Variants in CC2D2A observed in about 807,000 individuals in gnomAD.
The protein encoded by CC2D2A is coiled-coil and C2 domain containing 2A.
A neutral mutation model predicts 212.9 loss-of-function variants in CC2D2A; 155 were observed. The ratio of observed to expected loss-of-function variants is 0.73; its 90% CI spans 0.64 to 0.83. CC2D2A has a LOEUF of 0.83. CC2D2A is among the 40% of genes least tolerant of loss of function. The probability of loss-of-function intolerance (pLI) is 0.00; values close to 1 mark genes in which losing one functional copy is unlikely to be tolerated. For synonymous variants in CC2D2A, 667 were observed against 686.5 expected (o/e 0.97, Z 0.44); for missense variants, 1,856 against 1,956.2 (o/e 0.95, Z 0.97).
chr4:15,600,903 C>CAAAAAAAAAAA (rs5856308), intron 36 of CC2D2A, among the ~76,000 whole-genome samples: 3 of 93,012 alleles, frequency 3.2e-5, no homozygotes, highest in Non-Finnish European at 4.4e-5. Context: ...AGACCTGTCT[C>CAAAAAAAAAAA]AAAAAAAAAA....
chr4:15,542,750 G>T (rs1175012050), intron 17 of CC2D2A, among the ~76,000 whole-genome samples: 1 of 152,130 alleles, frequency 6.6e-6, no homozygotes, highest in East Asian at 1.9e-4. Context: ...ATTAAAGGGG[G>T]TGGCTGACCA....
intron 11 of CC2D2A, among the ~76,000 whole-genome samples, chr4:15,522,684 G>C (rs1367766586): frequency 6.6e-6 from 1 of 152,030 alleles, no homozygotes; most frequent in Non-Finnish European, 1.5e-5. Context: ...CTTCCAATAA[G>C]AAAGAATACA....
intron 11 of CC2D2A, among the ~76,000 whole-genome samples, chr4:15,523,590 C>G (rs1036555720): frequency 6.6e-6 from 1 of 152,196 alleles, no homozygotes; most frequent in Admixed American, 6.5e-5. Flanking sequence ...CACAAACTAG[C>G]TTAAGCAAAG....
chr4:15,481,508 C>T (rs1016823704), intron 4 of CC2D2A: 5 of 186,026 alleles, frequency 2.7e-5, no homozygotes, highest in African/African-American at 1.2e-4. Flanking sequence ...AAGACTCCAT[C>T]TCAGAAAACA....
At chr4:15,590,679 G>A (rs529744799) in intron 33 of CC2D2A, among the ~76,000 whole-genome samples, 19 of 152,310 alleles carry the variant, frequency 1.2e-4, no homozygotes, top group African/African-American at 4.6e-4. Flanking sequence ...GTTGTGAGAA[G>A]TGAATGAGAT....
At chr4:15,534,886 G>T (rs997115796) in intron 14 of CC2D2A, among the ~76,000 whole-genome samples, 1 of 142,252 alleles carries the variant, frequency 7.0e-6, no homozygotes, top group Non-Finnish European at 1.5e-5. Flanking sequence ...CTCAGTTAAT[G>T]TTGGTTAACA....
intron 23 of CC2D2A, among the ~76,000 whole-genome samples, chr4:15,562,078 A>T (rs1719631942): frequency 6.6e-6 from 1 of 152,230 alleles, no homozygotes. Flanking sequence ...TATTTTGTGT[A>T]AAACCTTGGA....
intron 4 of CC2D2A, among the ~76,000 whole-genome samples, chr4:15,500,129 A>ATATATATATATATATG (rs1553823493): frequency 2.8e-5 from 4 of 141,320 alleles, no homozygotes; most frequent in African/African-American, 1.1e-4. Flanking sequence ...ATATATATAT[A>ATATATATATATATATG]TATGTATTTT....
chr4:15,488,821 G>A (rs1317391286), intron 4 of CC2D2A, among the ~76,000 whole-genome samples: 1 of 152,220 alleles, frequency 6.6e-6, no homozygotes, highest in East Asian at 1.9e-4. Context: ...GCACATGCCC[G>A]GAGGTGCCAC....
chr4:15,597,693 C>A (rs990684275), intron 35 of CC2D2A, among the ~76,000 whole-genome samples: 1 of 152,226 alleles, frequency 6.6e-6, no homozygotes, highest in African/African-American at 2.4e-5. Flanking sequence ...GTAATACGTA[C>A]TTCTACAGGG....
At chr4:15,592,151 T>C (rs1721133690) in intron 33 of CC2D2A, among the ~76,000 whole-genome samples, 1 of 152,170 alleles carries the variant, frequency 6.6e-6, no homozygotes, top group African/African-American at 2.4e-5. Flanking sequence ...ACTGTGCTTG[T>C]TTCCATTCCC....
In CC2D2A at chr4:15,538,120, C is replaced by G; in HGVS notation, c.1986C>G (p.Pro662=). The change falls in exon 16 of 37, where the codon CCC becomes CCG. Residue 662 remains proline (P), a synonymous_variant. Transcript: ENST00000424120. ...TAAGCCTGGCAGGAAGCGTAACACC[C>G]AATGACCAGTGCCCCAGGTGAGTGG... ...PELSLAGSVT[P]NDQCPRAEVS... The G allele has an allele frequency of 1.9e-6, 3 of 1,586,676 alleles. No individual in the cohort carries two copies. The South Asian group carries it at 3.4e-5, about 18-fold the overall frequency.
At position 15,547,988 on chromosome 4, in the gene CC2D2A, G is replaced by A. The variant is rs372742375; in HGVS notation, c.2182-2836G>A. Among the ~76,000 whole-genome samples, 206 of 152,120 alleles carry A rather than the reference G, an allele frequency of 1.4e-3. 2 individuals are homozygous for A. Among genetic ancestry groups the A allele is most frequent in the African/African-American group, 4.6e-3 (191 of 41,488 alleles). On this transcript the variant is annotated intron_variant, in intron 17 of 36. Coordinates refer to ENST00000424120, the MANE Select transcript of CC2D2A (RefSeq NM_001378615.1). Reference sequence around the variant, plus strand: ...CAGGAGGTGGAAGTTGCTGTGAGCCGAGATCACTCCATTGCACTCCAGCCT... The same window carrying A: ...CAGGAGGTGGAAGTTGCTGTGAGCCAAGATCACTCCATTGCACTCCAGCCT...
At chr4:15,535,525 C>T (rs1718081436) in intron 14 of CC2D2A, among the ~76,000 whole-genome samples, 1 of 151,312 alleles carries the variant, frequency 6.6e-6, no homozygotes, top group South Asian at 2.1e-4. Context: ...CATAGTTTTT[C>T]CCACAAAAAA....
Position 15,587,857 on chromosome 4 carries a change from A to G in CC2D2A, c.4107A>G (p.Ala1369=). 2 of 1,613,528 alleles carry G rather than the reference A, an allele frequency of 1.2e-6. No homozygotes were observed. The highest frequency in any genetic ancestry group is 1.1e-5 in the South Asian group (1 of 91,054). Residue 1369 remains alanine, a synonymous_variant, in exon 32 of 37, where the codon GCA becomes GCG. Transcript: ENST00000424120. The part of the protein sequence containing the change: ...DLLAGDEEEH[A]VLLCNYFLSL... ...TGGCAGGGGATGAAGAAGAACATGC[A>G]GTACTATTGTGTAATTACTTTCTGT...
intron 33 of CC2D2A, among the ~76,000 whole-genome samples, chr4:15,591,300 A>T (rs1408565327): frequency 6.8e-6 from 1 of 147,816 alleles, no homozygotes; most frequent in Non-Finnish European, 1.5e-5. Context: ...GCTCAACGCA[A>T]CCTCCGTCTC....
At chr4:15,524,703 G>A (rs1312292877) in intron 11 of CC2D2A, among the ~76,000 whole-genome samples, 1 of 151,914 alleles carries the variant, frequency 6.6e-6, no homozygotes, top group African/African-American at 2.4e-5. Flanking sequence ...TGCCCGCCTT[G>A]GCCTCCCAAA....
At chr4:15,513,643 T>A (rs771699935) in intron 8 of CC2D2A, among the ~76,000 whole-genome samples, 2 of 152,360 alleles carry the variant, frequency 1.3e-5, no homozygotes, top group Admixed American at 6.5e-5. Context: ...AAGTTTTAGA[T>A]CCTCTGTAGC....
intron 17 of CC2D2A, among the ~76,000 whole-genome samples, chr4:15,541,455 TG>T (rs1287326935): frequency 6.6e-6 from 1 of 152,192 alleles, no homozygotes; most frequent in Admixed American, 6.5e-5. Flanking sequence ...GCCTCTTCCT[TG>T]GCACATCTGT....
Sources: gnomAD v4.1 joint callset for allele counts (sites outside exome capture counted in the v4.1 genomes callset) on GRCh38, gnomAD v4.1.1 for gene constraint, MANE v1.5 for transcripts, NCBI Gene and HGNC (gene_info 2026-07-23, HGNC 2026-07-21) for gene names.